AMZ1: variants seen among roughly 807,000 people sequenced by gnomAD.
The protein encoded by AMZ1 is archaelysin family metallopeptidase 1, also known as archaemetzincin-1.
AMZ1 carries 39 observed loss-of-function variants against 29.9 expected under a neutral mutation model. That is an observed-to-expected ratio of 1.30 (90% CI 1.01 to 1.70). AMZ1 has a LOEUF of 1.70. AMZ1 is among the 40% of genes most tolerant of loss of function. AMZ1 has a pLI of 0.00. For synonymous variants in AMZ1, 458 were observed against 304.0 expected, an observed-to-expected ratio of 1.51 and a Z score of -5.27; for missense variants, 1,041 against 680.6, an observed-to-expected ratio of 1.53 and a Z score of -5.89.
At chr7:2,727,480 A>T (rs1789670732) in intron 4 of AMZ1, among the ~76,000 whole-genome samples, 1 of 151,926 alleles carries the variant, frequency 6.6e-6, no homozygotes, top group Non-Finnish European at 1.5e-5. Flanking sequence ...GGCTCAAACG[A>T]TCCTTCTGCC....
intron 4 of AMZ1, among the ~76,000 whole-genome samples, chr7:2,759,144 T>C (rs1397445962): frequency 2.3e-5 from 2 of 85,434 alleles, no homozygotes; most frequent in African/African-American, 5.3e-5. Flanking sequence ...TGTCTCAAAA[T>C]AAATAAATAA....
intron 4 of AMZ1, among the ~76,000 whole-genome samples, chr7:2,740,579 G>C (rs142391989): frequency 6.6e-6 from 1 of 152,148 alleles, no homozygotes; most frequent in African/African-American, 2.4e-5. Flanking sequence ...GGCAGCTTGA[G>C]CCGACAAATA....
intron 1 of AMZ1, among the ~76,000 whole-genome samples, chr7:2,696,413 C>A (rs545304646): frequency 6.6e-6 from 1 of 151,136 alleles, no homozygotes; most frequent in African/African-American, 2.4e-5. Flanking sequence ...CCCGCCACCA[C>A]GCCTGGCTAA....
upstream of AMZ1, chr7:2,763,264 T>G: frequency 3.5e-6 from 1 of 289,024 alleles, no homozygotes; most frequent in Non-Finnish European, 5.2e-6. Flanking sequence ...CACATTTGCC[T>G]TCCCAGGCCC....
chr7:2,703,680 A>G (rs1788190619), intron 3 of AMZ1, among the ~76,000 whole-genome samples: 2 of 152,174 alleles, frequency 1.3e-5, no homozygotes, highest in Admixed American at 1.3e-4. Flanking sequence ...GCGGATGGAC[A>G]GCTTTCATCA....
At chr7:2,727,856 G>GACCA (rs1789686598) in intron 4 of AMZ1, among the ~76,000 whole-genome samples, 1 of 151,776 alleles carries the variant, frequency 6.6e-6, no homozygotes. Context: ...AGGAGATAGA[G>GACCA]ACCACCCTGG....
chr7:2,741,031 C>A (rs556177604), intron 4 of AMZ1, among the ~76,000 whole-genome samples: 1 of 150,690 alleles, frequency 6.6e-6, no homozygotes, highest in Non-Finnish European at 1.5e-5. Context: ...GGCGACAGAG[C>A]GAGACTCCGT....
At chr7:2,697,663 G>T (rs936557509) in intron 1 of AMZ1, among the ~76,000 whole-genome samples, 10 of 152,120 alleles carry the variant, frequency 6.6e-5, no homozygotes, top group African/African-American at 2.4e-4. Flanking sequence ...GTGCTCAAGT[G>T]ATCCACCCGC....
At chr7:2,726,868 C>A (rs1789641628) in intron 4 of AMZ1, among the ~76,000 whole-genome samples, 3 of 152,180 alleles carry the variant, frequency 2.0e-5, no homozygotes, top group Non-Finnish European at 1.5e-5. Context: ...CTGGCTGGAA[C>A]GATAACCCCA....
intron 4 of AMZ1, among the ~76,000 whole-genome samples, chr7:2,755,297 T>G (rs1791240815): frequency 6.6e-6 from 1 of 152,228 alleles, no homozygotes. Context: ...ACAAAAGATC[T>G]TGCTGCGATT....
At chr7:2,728,193 T>A (rs1398431971) in intron 4 of AMZ1, 1 of 152,336 alleles carries the variant, frequency 6.6e-6, no homozygotes, top group Non-Finnish European at 1.5e-5. Flanking sequence ...ACCCTCCCAA[T>A]GTTAATACAC....
chr7:2,726,185 A>C (rs996002331), intron 4 of AMZ1, among the ~76,000 whole-genome samples: 1 of 152,236 alleles, frequency 6.6e-6, no homozygotes, highest in Non-Finnish European at 1.5e-5. Flanking sequence ...GTGCGTGAGG[A>C]AAGATTAGCA....
intron 4 of AMZ1, among the ~76,000 whole-genome samples, chr7:2,725,617 G>C (rs1659453324): frequency 6.6e-6 from 1 of 152,200 alleles, no homozygotes. Flanking sequence ...ATGAACCTGG[G>C]ACCTGGAGGC....
At chr7:2,708,847 G>C (rs1788545657) in intron 4 of AMZ1, 131 bp downstream of exon 4, 2 of 1,438,310 alleles carry the variant, frequency 1.4e-6, no homozygotes, top group African/African-American at 1.4e-5. Context: ...CTGTGCATGG[G>C]AATAGATGGC....
At chr7:2,753,856 G>A (rs1165679220) in intron 4 of AMZ1, among the ~76,000 whole-genome samples, 1 of 151,996 alleles carries the variant, frequency 6.6e-6, no homozygotes, top group Admixed American at 6.6e-5. Flanking sequence ...CTCCTCTTCT[G>A]GTTTAGGAAC....
chr7:2,727,268 G>C (rs139493403), intron 4 of AMZ1, among the ~76,000 whole-genome samples: 69 of 152,250 alleles, frequency 4.5e-4, no homozygotes, highest in Middle Eastern at 3.4e-3. Flanking sequence ...TTTTAGTAGA[G>C]TTGGGGTTTC....
chr7:2,725,712 G>A (rs1330802711), intron 4 of AMZ1, among the ~76,000 whole-genome samples: 3 of 152,312 alleles, frequency 2.0e-5, no homozygotes, highest in East Asian at 1.9e-4. Context: ...CTCCCTGGTC[G>A]CCTGTCAGCC....
At chr7:2,683,819 G>C (rs541948569), upstream of AMZ1, among the ~76,000 whole-genome samples, 4 of 151,868 alleles carry the variant, frequency 2.6e-5, no homozygotes, top group Non-Finnish European at 5.9e-5. Flanking sequence ...CTCCCACCTC[G>C]GCTTCCCAAA....
chr7:2,712,755 G>A lies in AMZ1; in HGVS notation c.1374G>A (p.Arg458=), dbSNP rs1193351887. ...PATRQDPPSS[R]DSVGLRKVLG... ...CCAGGCAGGACCCACCCAGCAGCAG[G>A]GACAGCGTGGGGCTGCGCAAGGTGC... The change falls in exon 7 of 7, where the codon AGG becomes AGA. Residue 458 remains arginine (R), a synonymous_variant. Coordinates refer to ENST00000683327, the MANE Select transcript of AMZ1 (RefSeq NM_001384743.1). 5.6e-6 allele frequency: 9 copies of A among 1,601,684 alleles called. No individual in the cohort carries two copies. The highest frequency in any genetic ancestry group is 7.7e-6 in the Non-Finnish European group (9 of 1,173,102).
Sources: gnomAD v4.1 joint callset for allele counts (sites outside exome capture counted in the v4.1 genomes callset) on GRCh38, gnomAD v4.1.1 for gene constraint, MANE v1.5 for transcripts, NCBI Gene and HGNC (gene_info 2026-07-23, HGNC 2026-07-21) for gene names.